Variants in RP1 observed in about 807,000 individuals in gnomAD.
The protein encoded by RP1 is oxygen-regulated protein 1.
RP1 carries 16 observed loss-of-function variants against 14.8 expected under a neutral mutation model. That is an observed-to-expected ratio of 1.08 (90% CI 0.73 to 1.65). RP1 has a LOEUF of 1.65. Ranked by LOEUF, RP1 falls within the 40% of genes most tolerant of loss-of-function variation. The probability of loss-of-function intolerance (pLI) is 0.00; values close to 1 mark genes in which losing one functional copy is unlikely to be tolerated. For synonymous variants in RP1, 876 were observed against 883.6 expected (o/e 0.99, Z 0.15); for missense variants, 2,631 against 2,535.0 (o/e 1.04, Z -0.81).
At chr8:54,719,902 GT>G (rs1288510240) in intron 15 of RP1, among the ~76,000 whole-genome samples, 1 of 152,132 alleles carries the variant, frequency 6.6e-6, no homozygotes, top group Admixed American at 6.5e-5. Flanking sequence ...GCTATTCAGA[GT>G]TTTTTGTCCA....
chr8:54,716,270 T>G (rs1203050355), intron 15 of RP1, among the ~76,000 whole-genome samples: 2 of 152,236 alleles, frequency 1.3e-5, no homozygotes, highest in Non-Finnish European at 2.9e-5. Flanking sequence ...ATTTCTTTTT[T>G]TCTGTCAGAA....
intron 12 of RP1, among the ~76,000 whole-genome samples, chr8:54,695,996 A>C (rs1807850678): frequency 6.6e-6 from 1 of 152,164 alleles, no homozygotes. Flanking sequence ...CATTTTTAGA[A>C]ATATGACTTT....
intron 12 of RP1, among the ~76,000 whole-genome samples, chr8:54,695,767 C>T (rs1807844553): frequency 6.6e-6 from 1 of 152,112 alleles, no homozygotes; most frequent in Non-Finnish European, 1.5e-5. Flanking sequence ...TTGTGTCAGA[C>T]TCAAAGTCAG....
intron 19 of RP1, among the ~76,000 whole-genome samples, chr8:54,750,239 A>G (rs142057849): frequency 1.3e-5 from 2 of 152,344 alleles, no homozygotes; most frequent in African/African-American, 4.8e-5. Flanking sequence ...ATTACTAAAA[A>G]CAATAAACAT....
chr8:54,650,437 A>G (rs1806633579), intron 4 of RP1, among the ~76,000 whole-genome samples: 1 of 152,142 alleles, frequency 6.6e-6, no homozygotes, highest in African/African-American at 2.4e-5. Context: ...TTATTATGGT[A>G]AAATACACAA....
chr8:54,723,731 C>T (rs1369488585), intron 16 of RP1, among the ~76,000 whole-genome samples: 1 of 152,144 alleles, frequency 6.6e-6, no homozygotes, highest in East Asian at 1.9e-4. Flanking sequence ...AGAGTAAGAC[C>T]ACACTGCTAG....
At chr8:54,842,138 T>C (rs1055416199) in intron 25 of RP1, among the ~76,000 whole-genome samples, 4 of 152,190 alleles carry the variant, frequency 2.6e-5, no homozygotes, top group Admixed American at 6.5e-5. Flanking sequence ...TTTATCACAG[T>C]ACTCGTCAAT....
At chr8:54,578,381 T>C (rs1316768386) in intron 1 of RP1, among the ~76,000 whole-genome samples, 1 of 152,058 alleles carries the variant, frequency 6.6e-6, no homozygotes, top group Non-Finnish European at 1.5e-5. Flanking sequence ...ATTTTTATTT[T>C]ATTTTTTGTA....
At chr8:54,622,731 T>C (rs1384389122) in intron 3 of RP1, among the ~76,000 whole-genome samples, 1 of 152,200 alleles carries the variant, frequency 6.6e-6, no homozygotes, top group Non-Finnish European at 1.5e-5. Flanking sequence ...TCTGAAGTTA[T>C]TCCTAAAAAA....
intron 17 of RP1, among the ~76,000 whole-genome samples, chr8:54,733,588 C>T (rs150727436): frequency 6.6e-6 from 1 of 152,232 alleles, no homozygotes; most frequent in East Asian, 1.9e-4. Flanking sequence ...ATCCTAAGTG[C>T]TGCCGAGGGC....
At chr8:54,652,721 C>T (rs1563338492) in intron 4 of RP1, 2 of 1,135,634 alleles carry the variant, frequency 1.8e-6, no homozygotes, top group South Asian at 1.3e-5. Context: ...CTAATCTGAG[C>T]TGTTTTTAAG....
At chr8:54,828,046 G>A (rs6983243) in intron 24 of RP1, among the ~76,000 whole-genome samples, 1 of 151,848 alleles carries the variant, frequency 6.6e-6, no homozygotes, top group African/African-American at 2.4e-5. Context: ...CCACTGGAAG[G>A]TCTTCAGCGA....
chr8:54,609,149 A>T (rs925514502), intron 1 of RP1, among the ~76,000 whole-genome samples: 1 of 152,218 alleles, frequency 6.6e-6, no homozygotes, highest in African/African-American at 2.4e-5. Flanking sequence ...CTGGGTAGCA[A>T]GAGCCAGGAA....
At chr8:54,742,479 T>C (rs745434925) in intron 19 of RP1, among the ~76,000 whole-genome samples, 1 of 152,178 alleles carries the variant, frequency 6.6e-6, no homozygotes, top group Non-Finnish European at 1.5e-5. Flanking sequence ...TGAAATGTTT[T>C]CTAATAGTTC....
intron 24 of RP1, among the ~76,000 whole-genome samples, chr8:54,795,302 A>G (rs1357481081): frequency 6.6e-6 from 1 of 152,146 alleles, no homozygotes; most frequent in Non-Finnish European, 1.5e-5. Context: ...AGTGTCATTC[A>G]TAATAGCCAA....
At chr8:54,564,912 ATTTATTT>A (rs911398480) in intron 1 of RP1, among the ~76,000 whole-genome samples, 30 of 152,300 alleles carry the variant, frequency 2.0e-4, no homozygotes, top group South Asian at 8.3e-4. Flanking sequence ...TGCCCAACTA[ATTTATTT>A]TTTATTTTTT....
chr8:54,709,139 A>C (rs1387161762), intron 15 of RP1, among the ~76,000 whole-genome samples: 3 of 152,174 alleles, frequency 2.0e-5, no homozygotes, highest in Non-Finnish European at 4.4e-5. Flanking sequence ...AACAGGATGG[A>C]GAAACTGGTT....
chr8:54,699,859 T>C (rs1264825540), intron 13 of RP1, among the ~76,000 whole-genome samples: 1 of 152,176 alleles, frequency 6.6e-6, no homozygotes, highest in Non-Finnish European at 1.5e-5. Context: ...GACCATATTG[T>C]TGGAGAAAAA....
intron 16 of RP1, among the ~76,000 whole-genome samples, chr8:54,720,942 G>A (rs1808521077): frequency 6.6e-6 from 1 of 152,190 alleles, no homozygotes; most frequent in African/African-American, 2.4e-5. Flanking sequence ...TTACCTTGAA[G>A]TTTAGATTGC....
Sources: allele counts gnomAD v4.1 joint callset (sites outside exome capture counted in the v4.1 genomes callset), GRCh38; gene constraint gnomAD v4.1.1; transcripts MANE v1.5; gene names NCBI Gene and HGNC (gene_info 2026-07-23, HGNC 2026-07-21).